Variants in DHX33 observed in about 807,000 individuals in gnomAD.
The protein encoded by DHX33 is ATP-dependent RNA helicase DHX33.
DHX33 carries 42 observed loss-of-function variants against 72.5 expected under a neutral mutation model. The observed-to-expected ratio is 0.58, with a 90% CI of 0.45 to 0.75. DHX33 has a LOEUF of 0.75. Ranked by LOEUF, DHX33 falls within the 30% of genes least tolerant of loss-of-function variation. The pLI is 0.00. For missense variants in DHX33, 842 were observed against 917.5 expected, an observed-to-expected ratio of 0.92 and a Z score of 1.06; for synonymous variants, 358 against 366.1, an observed-to-expected ratio of 0.98 and a Z score of 0.25.
chr17:5,448,754 A>G, intron 11 of DHX33, 55 bp downstream of exon 11: 1 of 1,403,928 alleles, frequency 7.1e-7, no homozygotes. Flanking sequence ...CAAAATTTCT[A>G]CCTTGAACAA....
chr17:5,456,388 T>C (rs1228143807), intron 4 of DHX33, among the ~76,000 whole-genome samples: 1 of 152,232 alleles, frequency 6.6e-6, no homozygotes, highest in Non-Finnish European at 1.5e-5. Flanking sequence ...GGCTCACGCC[T>C]GTAAACCCAG....
At chr17:5,457,575 C>T (rs1904379601) in intron 4 of DHX33, among the ~76,000 whole-genome samples, 1 of 141,782 alleles carries the variant, frequency 7.1e-6, no homozygotes, top group African/African-American at 2.8e-5. Flanking sequence ...TCACTGCACT[C>T]CAGCCTGGGC....
chr17:5,465,924 G>A (rs1287511603), intron 1 of DHX33, among the ~76,000 whole-genome samples: 3 of 152,080 alleles, frequency 2.0e-5, no homozygotes, highest in East Asian at 1.9e-4. Flanking sequence ...CCTTACATCC[G>A]TTCTCTAGCC....
At chr17:5,451,987 G>A (rs377197464) in intron 8 of DHX33, among the ~76,000 whole-genome samples, 1 of 150,404 alleles carries the variant, frequency 6.6e-6, no homozygotes, top group Non-Finnish European at 1.5e-5. Flanking sequence ...GGATACATAC[G>A]CATATAGTAA....
At position 5,461,157 on chromosome 17, in the gene DHX33, C is replaced by G. The variant is rs767810567; in HGVS notation, c.679-48G>C. The G allele has an allele frequency of 5.1e-6, 8 of 1,566,548 alleles. No individual in the cohort carries two copies. The East Asian group carries it at 9.1e-5, about 18-fold the overall frequency. On this transcript the variant is annotated intron_variant, in intron 3 of 11. Transcript: ENST00000225296. ...GGACCAGAAACAAATAGTGGGAAGGCCTTTCCGTGTCCCTCTCGAGCCCCA... is the reference window on the plus strand; with the variant it reads ...GGACCAGAAACAAATAGTGGGAAGGGCTTTCCGTGTCCCTCTCGAGCCCCA...
Position 5,456,020 on chromosome 17 carries a change from G to A in DHX33, c.1012C>T (p.Arg338Ter), listed in dbSNP as rs770385496. 13 of 1,612,644 alleles carry A rather than the reference G, an allele frequency of 8.1e-6. No individual in the cohort carries two copies. The Admixed American group carries it at 1.5e-4, about 19-fold the overall frequency. Reference protein sequence around the residue: ...YASLPYAQQLRVFQGAPKGYR... With the variant: ...YASLPYAQQL ...ACCTTTGGGGCCCCTTGGAAGACTC[G>A]GAGCTGCTGTGCATAGGGCAGGGAG... The change falls in exon 5 of 12, where the codon CGA becomes TGA. Residue 338 changes from arginine (R) to a stop codon, truncating the protein, a stop_gained. Transcript: ENST00000225296. LOFTEE classifies it high-confidence loss of function.
chr17:5,457,865 C>T (rs1210395622), intron 4 of DHX33, among the ~76,000 whole-genome samples: 2 of 152,032 alleles, frequency 1.3e-5, no homozygotes, highest in African/African-American at 2.4e-5. Flanking sequence ...GAAAAATTCT[C>T]GTTTGCTTTC....
intron 4 of DHX33, among the ~76,000 whole-genome samples, chr17:5,460,295 T>C (rs934098947): frequency 1.3e-5 from 2 of 152,078 alleles, no homozygotes; most frequent in South Asian, 2.1e-4. Context: ...ATTACAGGCG[T>C]GAGCCACTGT....
chr17:5,464,749 T>C (rs1245268919), intron 1 of DHX33, among the ~76,000 whole-genome samples: 1 of 152,202 alleles, frequency 6.6e-6, no homozygotes, highest in African/African-American at 2.4e-5. Context: ...CTGACTGACA[T>C]GAAGAGACAT....
chr17:5,468,845 C>G lies in DHX33; in HGVS notation c.15G>C (p.Ala5=), dbSNP rs1905001908. 2.6e-6 allele frequency: 4 copies of G among 1,558,058 alleles called. No homozygotes were observed. Among genetic ancestry groups the G allele is most frequent in the Non-Finnish European group, 3.5e-6 (4 of 1,151,842 alleles). The change falls in exon 1 of 12, where the codon GCG becomes GCC. Residue 5 remains alanine, a synonymous_variant. Coordinates refer to ENST00000225296, the MANE Select transcript of DHX33 (RefSeq NM_020162.4). MPEE[A]GFPPAKRFRP... is the part of the protein sequence containing the mutation. ...GGAATCTCTTGGCCGGCGGGAAGCC[C>G]GCCTCCTCCGGCATGTCGGGAGGGC...
intron 2 of DHX33, among the ~76,000 whole-genome samples, chr17:5,462,899 G>A (rs1412109461): frequency 6.6e-6 from 1 of 152,060 alleles, no homozygotes; most frequent in African/African-American, 2.4e-5. Context: ...CCAACATGCT[G>A]AAATCCCGTC....
In DHX33 at chr17:5,450,936, T is replaced by C; in HGVS notation, c.1397-2A>G. On this transcript the variant is annotated splice_acceptor_variant, in intron 8 of 11. Coordinates refer to ENST00000225296, the MANE Select transcript of DHX33 (RefSeq NM_020162.4). LOFTEE classifies it high-confidence loss of function. ...GGGCAATGGCCGCCTGAATGTGATC[T>C]AAAGAAACAGAGACATAAAAAGGAG... is the stretch of plus-strand genomic sequence containing the variant. 6.2e-7 allele frequency: 1 copy of C among 1,613,184 alleles called. No individual in the cohort carries two copies. The highest frequency in any genetic ancestry group is 8.5e-7 in the Non-Finnish European group (1 of 1,179,702).
intron 8 of DHX33, 84 bp downstream of exon 8, chr17:5,453,496 A>C: frequency 9.4e-7 from 1 of 1,060,314 alleles, no homozygotes; most frequent in Non-Finnish European, 1.5e-6. Context: ...GGAGATGACC[A>C]ATATACTTTA....
At position 5,468,786 on chromosome 17, in the gene DHX33, G is replaced by A; in HGVS notation, c.74C>T (p.Ser25Phe). Residue 25 changes from serine (S) to phenylalanine (F), a missense_variant, in exon 1 of 12, where the codon TCC becomes TTC. By Grantham distance (155) the Ser-to-Phe change is radical. Transcript: ENST00000225296. Reference sequence around the variant, plus strand: ...CACCACTTGCCTCCCGGGAGGGAAGGACCCAGCGCGGCTCGGAGGTCCAGA... The same window carrying A: ...CACCACTTGCCTCCCGGGAGGGAAGAACCCAGCGCGGCTCGGAGGTCCAGA... ...PGSGPPSRAG[S>F]FPPGRQVVML... 2.5e-6 allele frequency: 4 copies of A among 1,605,116 alleles called. No homozygotes were observed. The highest frequency in any genetic ancestry group is 1.7e-5 in the Admixed American group (1 of 59,108).
rs1228555210 is a variant in DHX33, at chr17:5,461,083, A to G, written c.705T>C (p.Asp235=). The G allele has an allele frequency of 6.2e-7, 1 of 1,611,872 alleles. No individual in the cohort carries two copies. Among genetic ancestry groups the G allele is most frequent in the East Asian group, 2.2e-5 (1 of 44,794 alleles). The change falls in exon 4 of 12, where the codon GAT becomes GAC. Residue 235 remains aspartate (D), a synonymous_variant. Transcript: ENST00000225296. Reference sequence around the variant, plus strand: ...TGAAATACTGAGAGAACAGGTCCACATCCATCGTAGCTGACATCACAATCA... The same window carrying G: ...TGAAATACTGAGAGAACAGGTCCACGTCCATCGTAGCTGACATCACAATCA... ...LKVIVMSATM[D]VDLFSQYFNG... is the part of the protein sequence containing the mutation.
chr17:5,463,691 T>G lies in DHX33; in HGVS notation c.290-2A>C. On this transcript the variant is annotated splice_acceptor_variant, in intron 1 of 11. Transcript: ENST00000225296. LOFTEE classifies it high-confidence loss of function. Reference sequence around the variant, plus strand: ...TTGTCTTCCCAGAGCCAGTTTCCCCTAGGAGAGAGGGGGAAAAAAAAAAAA... The same window carrying G: ...TTGTCTTCCCAGAGCCAGTTTCCCCGAGGAGAGAGGGGGAAAAAAAAAAAA... The G allele has an allele frequency of 6.3e-7, 1 of 1,577,790 alleles. No individual in the cohort carries two copies. Among genetic ancestry groups the G allele is most frequent in the Non-Finnish European group, 8.6e-7 (1 of 1,167,212 alleles).
At chr17:5,456,518 A>C (rs59554068) in intron 4 of DHX33, among the ~76,000 whole-genome samples, 1 of 151,934 alleles carries the variant, frequency 6.6e-6, no homozygotes, top group African/African-American at 2.4e-5. Context: ...AGGGGTGGTG[A>C]CACATGCCTA....
intron 11 of DHX33, among the ~76,000 whole-genome samples, chr17:5,446,334 C>G (rs1229899148): frequency 6.6e-6 from 1 of 152,212 alleles, no homozygotes; most frequent in Non-Finnish European, 1.5e-5. Flanking sequence ...TTGTCACCAC[C>G]TCCAAGAAGC....
chr17:5,457,308 A>C (rs1597361002), intron 4 of DHX33, among the ~76,000 whole-genome samples: 1 of 151,802 alleles, frequency 6.6e-6, no homozygotes, highest in Admixed American at 6.6e-5. Flanking sequence ...ACTCCATCTC[A>C]AAAAATAAAT....
Sources: allele counts gnomAD v4.1 joint callset (sites outside exome capture counted in the v4.1 genomes callset), GRCh38; gene constraint gnomAD v4.1.1; transcripts MANE v1.5; gene names NCBI Gene and HGNC (gene_info 2026-07-23, HGNC 2026-07-21).